The following BCAS3 variants were observed in gnomAD, a reference collection of about 807,000 sequenced individuals.
The protein encoded by BCAS3 is BCAS4/BCAS3 fusion.
BCAS3 carries 53 observed loss-of-function variants against 116.1 expected under a neutral mutation model. The observed-to-expected ratio is 0.46, with a 90% CI of 0.37 to 0.57. BCAS3 has a LOEUF of 0.57. Ranked by LOEUF, BCAS3 falls within the 20% of genes least tolerant of loss-of-function variation. The probability of loss-of-function intolerance (pLI) is 0.00; values close to 1 mark genes in which losing one functional copy is unlikely to be tolerated. For synonymous variants in BCAS3, 391 were observed against 408.2 expected, an observed-to-expected ratio of 0.96 and a Z score of 0.51; for missense variants, 917 against 1,165.4, an observed-to-expected ratio of 0.79 and a Z score of 3.10.
rs76263995 is a variant in BCAS3, at chr17:61,325,318, C to G, written c.2426-43009C>G. On this transcript the variant is annotated intron_variant, in intron 22 of 23. Coordinates refer to ENST00000407086, the MANE Select transcript of BCAS3 (RefSeq NM_017679.5). This position sits in a 1 kb window ranked among gnomAD's most constrained non-coding sequence, Gnocchi z 6.4. The stretch of plus-strand genomic sequence containing the variant: ...CTTTTCATATCTGTGGGGCCTGATT[C>G]TCAACCTCCATCCTGTCCTGCACAT... Among the ~76,000 whole-genome samples the G allele has an allele frequency of 0.013, 1,994 of 152,318 alleles. 29 individuals carry two copies. The highest frequency in any genetic ancestry group is 0.032 in the East Asian group (164 of 5,186).
Position 61,098,519 on chromosome 17 carries a change from T to C in BCAS3, c.2425+13955T>C, listed in dbSNP as rs764117758. Among the ~76,000 whole-genome samples the C allele has an allele frequency of 6.6e-6, 1 of 152,158 alleles. No homozygotes were observed. The highest frequency in any genetic ancestry group is 1.5e-5 in the Non-Finnish European group (1 of 68,028). ...CAGAGTAGAATTCTGGGGAGGAATT[T>C]TTCTAAACCCAAATACCTCAATTTG... is the stretch of plus-strand genomic sequence containing the variant. On this transcript the variant is annotated intron_variant, in intron 22 of 23. Coordinates refer to ENST00000407086, the MANE Select transcript of BCAS3 (RefSeq NM_017679.5). This position sits in a 1 kb window ranked among gnomAD's most constrained non-coding sequence, Gnocchi z 4.2.
intron 22 of BCAS3, among the ~76,000 whole-genome samples, chr17:61,329,337 A>ATTTTTTTT (rs199782162): frequency 9.4e-6 from 1 of 106,228 alleles, no homozygotes; most frequent in Admixed American, 9.4e-5. Context: ...TATTATTATT[A>ATTTTTTTT]TTATTATTTT....
rs757961829 is a variant in BCAS3 at position 60,989,994 on chromosome 17, T to C, written c.1245T>C (p.His415=). The stretch of plus-strand genomic sequence containing the variant: ...AGGTACAGGACATCTGCTTCAGCCA[T>C]GACTGTCGCTGGGTTGTGGTCAGTA... The part of the protein sequence containing the change: ...EAKVQDICFS[H]DCRWVVVSTL... The change falls in exon 15 of 24, where the codon CAT becomes CAC. Residue 415 remains histidine (H), a synonymous_variant. Coordinates refer to ENST00000407086, the MANE Select transcript of BCAS3 (RefSeq NM_017679.5). 1 of 1,614,212 alleles carries C rather than the reference T, an allele frequency of 6.2e-7. No individual in the cohort carries two copies. Among genetic ancestry groups the C allele is most frequent in the Non-Finnish European group, 8.5e-7 (1 of 1,180,032 alleles).
intron 6 of BCAS3, among the ~76,000 whole-genome samples, chr17:60,793,940 A>G (rs2046993496): frequency 6.6e-6 from 1 of 152,144 alleles, no homozygotes; most frequent in African/African-American, 2.4e-5. Flanking sequence ...GAGATGCTGG[A>G]TCAAATGGTC....
chr17:60,874,413 G>GT (rs1291347805), intron 8 of BCAS3, among the ~76,000 whole-genome samples: 4 of 152,204 alleles, frequency 2.6e-5, no homozygotes, highest in African/African-American at 9.6e-5. Flanking sequence ...TGAGGTGGTA[G>GT]TTTTTTCTTC....
chr17:60,864,836 G>T (rs1472206585), intron 7 of BCAS3, among the ~76,000 whole-genome samples: 1 of 152,114 alleles, frequency 6.6e-6, no homozygotes, highest in Admixed American at 6.5e-5. Context: ...AGAGGCTATT[G>T]TAGGATTATT....
intron 22 of BCAS3, among the ~76,000 whole-genome samples, chr17:61,221,607 A>G (rs1459809957): frequency 6.6e-6 from 1 of 152,026 alleles, no homozygotes; most frequent in Non-Finnish European, 1.5e-5. Flanking sequence ...TTTCCCCTTC[A>G]CTTTCTTAGA....
intron 7 of BCAS3, among the ~76,000 whole-genome samples, chr17:60,848,896 C>T (rs2052783810): frequency 6.6e-6 from 1 of 152,030 alleles, no homozygotes; most frequent in African/African-American, 2.4e-5. Context: ...CCAGGACAGT[C>T]CTTGAATGTG....
rs1336874646 is a variant in BCAS3, at chr17:61,019,601, A to G, written c.1637+3700A>G. 6.6e-6 allele frequency among the ~76,000 whole-genome samples: 1 copy of G among 152,138 alleles called. No homozygotes were observed. Among genetic ancestry groups the G allele is most frequent in the Non-Finnish European group, 1.5e-5 (1 of 67,994 alleles). ...TATTCTGTGAATTTTCATTTTTGCT[A>G]TATTCTGAGTTTTGAAACAAATCTC... On this transcript the variant is annotated intron_variant, in intron 16 of 23. Transcript: ENST00000407086. This position sits in a 1 kb window ranked among gnomAD's most constrained non-coding sequence, Gnocchi z 5.6.
chr17:60,687,071 C>T (rs896768632), intron 3 of BCAS3, among the ~76,000 whole-genome samples: 4 of 152,080 alleles, frequency 2.6e-5, no homozygotes, highest in African/African-American at 9.7e-5. Context: ...CAGAATGACA[C>T]CTACAATGAT....
chr17:60,978,618 G>C (rs1490005730), intron 14 of BCAS3, among the ~76,000 whole-genome samples: 6 of 152,062 alleles, frequency 3.9e-5, no homozygotes, highest in Non-Finnish European at 8.8e-5. Context: ...TTTTCTTCTA[G>C]GGTTTTTATG....
rs139797991 is a variant in BCAS3, at chr17:61,293,496, G to A, written c.2426-74831G>A. Among the ~76,000 whole-genome samples the A allele has an allele frequency of 3.9e-5, 6 of 152,256 alleles. No individual in the cohort carries two copies. In the East Asian group the frequency reaches 5.8e-4, roughly 15 times the overall value. On this transcript the variant is annotated intron_variant, in intron 22 of 23. Coordinates refer to ENST00000407086, the MANE Select transcript of BCAS3 (RefSeq NM_017679.5). The stretch of plus-strand genomic sequence containing the variant: ...ACTGCACGTTTAACCTTCTTGGCTC[G>A]TTTTTAAGACAAGACTATTAGGGCC...
At chr17:60,762,930 G>T (rs906772867) in intron 6 of BCAS3, among the ~76,000 whole-genome samples, 3 of 151,680 alleles carry the variant, frequency 2.0e-5, no homozygotes, top group African/African-American at 7.3e-5. Flanking sequence ...TTGTTAGTTG[G>T]ATTCCTAGGT....
At chr17:60,850,907 C>A (rs1011889955) in intron 7 of BCAS3, among the ~76,000 whole-genome samples, 54 of 152,208 alleles carry the variant, frequency 3.5e-4, no homozygotes, top group African/African-American at 1.3e-3. Context: ...GCATTCAGTG[C>A]AATTCCTATA....
intron 22 of BCAS3, among the ~76,000 whole-genome samples, chr17:61,183,380 G>A (rs1306859836): frequency 2.6e-5 from 4 of 151,608 alleles, no homozygotes; most frequent in Admixed American, 6.6e-5. Context: ...CCTTATCTCC[G>A]TAGTTCAAAA....
chr17:61,115,943 G>T (rs1601365587), intron 22 of BCAS3, among the ~76,000 whole-genome samples: 1 of 151,582 alleles, frequency 6.6e-6, no homozygotes, highest in African/African-American at 2.4e-5. Context: ...CCTTTGTAGG[G>T]ACATGGATGA....
chr17:61,104,616 G>T lies in BCAS3; in HGVS notation c.2425+20052G>T, dbSNP rs2074528740. 6.6e-6 allele frequency among the ~76,000 whole-genome samples: 1 copy of T among 152,138 alleles called. No homozygotes were observed. Among genetic ancestry groups the T allele is most frequent in the African/African-American group, 2.4e-5 (1 of 41,442 alleles). ...CTTAGGATCCGTGTCAGCGCCTTGA[G>T]CTCCAAATCGGGTATTACATGTCAC... On this transcript the variant is annotated intron_variant, in intron 22 of 23. Transcript: ENST00000407086. The surrounding 1 kb of genome is among the most constrained non-coding windows in gnomAD (Gnocchi z 4.1).
At position 61,327,080 on chromosome 17, in the gene BCAS3, C is replaced by A. The variant is rs1035666816; in HGVS notation, c.2426-41247C>A. 2.0e-5 allele frequency among the ~76,000 whole-genome samples: 3 copies of A among 152,062 alleles called. No individual in the cohort carries two copies. The highest frequency in any genetic ancestry group is 4.4e-5 in the Non-Finnish European group (3 of 68,018). ...CAGCACTTTGGGAGGCCGAGGTAGG[C>A]AGATCATGAGGTCAAGAGATTGAGA... On this transcript the variant is annotated intron_variant, in intron 22 of 23. Coordinates refer to ENST00000407086, the MANE Select transcript of BCAS3 (RefSeq NM_017679.5). The surrounding 1 kb of genome is among the most constrained non-coding windows in gnomAD (Gnocchi z 5.9).
intron 4 of BCAS3, among the ~76,000 whole-genome samples, chr17:60,708,873 G>T (rs2037509828): frequency 1.3e-5 from 2 of 152,182 alleles, no homozygotes; most frequent in Admixed American, 1.3e-4. Context: ...TGCCTAGGCT[G>T]GTCTTGAACT....
Sources: gnomAD v4.1 joint callset for allele counts (sites outside exome capture counted in the v4.1 genomes callset) on GRCh38, gnomAD v4.1.1 for gene constraint, Gnocchi (gnomAD v3.1) non-coding constraint, MANE v1.5 for transcripts, NCBI Gene and HGNC (gene_info 2026-07-23, HGNC 2026-07-21) for gene names.